Variants in DEPDC5 observed in about 807,000 individuals in gnomAD.
DEPDC5 encodes GATOR1 complex protein DEPDC5.
In DEPDC5, 73 loss-of-function variants were observed where a neutral mutation model predicts 217.3. The ratio of observed to expected loss-of-function variants is 0.34; its 90% CI spans 0.28 to 0.41. The LOEUF is 0.41. Among genes scored for constraint, DEPDC5 ranks in the 10% least tolerant of loss-of-function variants. The pLI is 1.00. For synonymous variants in DEPDC5, 733 were observed against 756.7 expected, an observed-to-expected ratio of 0.97 and a Z score of 0.51; for missense variants, 1,675 against 2,070.1, an observed-to-expected ratio of 0.81 and a Z score of 3.70.
At chr22:31,778,025 G>A (rs1485856987) in intron 7 of DEPDC5, 74 bp from the exon 8 acceptor site, 4 of 1,528,266 alleles carry the variant, frequency 2.6e-6, no homozygotes, top group Non-Finnish European at 3.6e-6. Context: ...TGGGATTACA[G>A]GCGTGAGCTA....
intron 7 of DEPDC5, 82 bp downstream of exon 7, chr22:31,768,945 T>C: frequency 6.6e-7 from 1 of 1,516,262 alleles, no homozygotes; most frequent in Non-Finnish European, 9.1e-7. Context: ...GTCCATATAA[T>C]AAAATGTGTA....
chr22:31,871,582 C>T (rs1193501133), intron 34 of DEPDC5, among the ~76,000 whole-genome samples: 1 of 152,218 alleles, frequency 6.6e-6, no homozygotes, highest in South Asian at 2.1e-4. Context: ...TGCCCTTATA[C>T]CCATCAAGCC....
At position 31,838,789 on chromosome 22, in the gene DEPDC5, A is replaced by G. The variant is rs747784688; in HGVS notation, c.2459A>G (p.Gln820Arg). 1.2e-6 allele frequency: 2 copies of G among 1,614,130 alleles called. No homozygotes were observed. Among genetic ancestry groups the G allele is most frequent in the South Asian group, 1.1e-5 (1 of 91,076 alleles). ...CAAATCATAGTGCAGCCCAAGACACAGAAACCCAATCCTGCTGTCCCGCCC... is the reference window on the plus strand; with the variant it reads ...CAAATCATAGTGCAGCCCAAGACACGGAAACCCAATCCTGCTGTCCCGCCC... ...GYQIIVQPKT[Q>R]KPNPAVPPPL... Residue 820 changes from glutamine to arginine, a missense_variant, in exon 27 of 43, where the codon CAG (glutamine) becomes CGG (arginine). Gln to Arg is a conservative substitution (Grantham distance 43). Transcript: ENST00000651528.
chr22:31,779,896 CAA>C (rs770066760), intron 8 of DEPDC5, among the ~76,000 whole-genome samples: 1 of 151,998 alleles, frequency 6.6e-6, no homozygotes. Context: ...GGAAGAGAGA[CAA>C]GAGAGGTGTA....
intron 16 of DEPDC5, 31 bp from the exon 17 acceptor site, chr22:31,804,810 GC>G: frequency 6.2e-7 from 1 of 1,603,532 alleles, no homozygotes; most frequent in South Asian, 1.1e-5. Context: ...TTGTTCTGTA[GC>G]TTATCTGTGC....
intron 27 of DEPDC5, among the ~76,000 whole-genome samples, chr22:31,840,243 G>A (rs1218155451): frequency 6.6e-6 from 1 of 152,160 alleles, no homozygotes; most frequent in Non-Finnish European, 1.5e-5. Flanking sequence ...TAGACCCAAA[G>A]TACATGTAGG....
chr22:31,807,014 GAAAC>G (rs1568965500), intron 18 of DEPDC5, among the ~76,000 whole-genome samples: 1 of 152,122 alleles, frequency 6.6e-6, no homozygotes, highest in South Asian at 2.1e-4. Flanking sequence ...CTTGTCTCTG[GAAAC>G]AAACAAACCA....
In DEPDC5 at chr22:31,871,135, ACTGTTCTTCTT is replaced by A. The variant is rs2092831067; in HGVS notation, c.3485+394_3485+404del. Among the ~76,000 whole-genome samples the A allele has an allele frequency of 4.4e-4, 67 of 152,196 alleles. 1 individual carries two copies. The highest frequency in any genetic ancestry group is 4.4e-3 in the Admixed American group (67 of 15,274). ...GAATCACTAATTGTGGCCAAACATG[ACTGTTCTTCTT>A]CTATTCCTTAGTATCCGGAGGAAAA... On this transcript the variant is annotated intron_variant, in intron 34 of 42. Coordinates refer to ENST00000651528, the MANE Select transcript of DEPDC5 (RefSeq NM_001242896.3).
intron 27 of DEPDC5, 79 bp from the exon 28 acceptor site, chr22:31,843,016 A>G: frequency 9.7e-7 from 1 of 1,033,858 alleles, no homozygotes; most frequent in Non-Finnish European, 1.4e-6. Context: ...TGTTTTCTGA[A>G]TCTATATGGA....
chr22:31,812,097 T>C (rs1342188396), intron 20 of DEPDC5, among the ~76,000 whole-genome samples: 1 of 151,844 alleles, frequency 6.6e-6, no homozygotes, highest in Non-Finnish European at 1.5e-5. Flanking sequence ...CAAGCAATTC[T>C]CATGCCTCAG....
chr22:31,833,627 T>C (rs2090768196), intron 24 of DEPDC5, among the ~76,000 whole-genome samples: 1 of 152,232 alleles, frequency 6.6e-6, no homozygotes, highest in African/African-American at 2.4e-5. Flanking sequence ...GACTTTGAAA[T>C]GTGTCCGTTT....
rs2091017991 is a variant in DEPDC5, at chr22:31,836,658, T to C, written c.2171-314T>C. Among the ~76,000 whole-genome samples, 30 of 152,218 alleles carry C rather than the reference T, an allele frequency of 2.0e-4. No homozygotes were observed. The South Asian group carries it at 2.5e-3, about 13-fold the overall frequency. Reference sequence around the variant, plus strand: ...TGGAACGTTGATGTGCTTCGACATGTAATTCTGCCTGCCCTGCCGTAATCT... The same window carrying C: ...TGGAACGTTGATGTGCTTCGACATGCAATTCTGCCTGCCCTGCCGTAATCT... On this transcript the variant is annotated intron_variant, in intron 25 of 42. Transcript: ENST00000651528.
chr22:31,866,499 C>A (rs2092693425), intron 33 of DEPDC5, among the ~76,000 whole-genome samples: 1 of 152,122 alleles, frequency 6.6e-6, no homozygotes, highest in Admixed American at 6.6e-5. Flanking sequence ...GATTCTCCTG[C>A]CTCAGCCTCC....
intron 24 of DEPDC5, among the ~76,000 whole-genome samples, chr22:31,825,748 G>T (rs1206134821): frequency 1.3e-5 from 2 of 152,108 alleles, no homozygotes; most frequent in Non-Finnish European, 2.9e-5. Context: ...TCCAGATGCA[G>T]ATCTGATCAG....
At chr22:31,840,900 A>G (rs940001614) in intron 27 of DEPDC5, among the ~76,000 whole-genome samples, 1 of 152,210 alleles carries the variant, frequency 6.6e-6, no homozygotes, top group East Asian at 1.9e-4. Flanking sequence ...TCAGATGTTA[A>G]ACTAATAAAC....
intron 27 of DEPDC5, 114 bp downstream of exon 27, chr22:31,838,959 A>G (rs865819436): frequency 4.3e-6 from 5 of 1,169,690 alleles, no homozygotes; most frequent in Non-Finnish European, 5.9e-6. Context: ...TCGACATAGA[A>G]GTTTTCTTTA....
At position 31,843,666 on chromosome 22, in the gene DEPDC5, G is replaced by C; in HGVS notation, c.2655G>C (p.Gln885His). 6.2e-7 allele frequency: 1 copy of C among 1,607,874 alleles called. No individual in the cohort carries two copies. The highest frequency in any genetic ancestry group is 8.5e-7 in the Non-Finnish European group (1 of 1,174,982). Residue 885 changes from glutamine (Q) to histidine (H), a missense_variant, in exon 29 of 43, where the codon CAG becomes CAC. Gln to His is a conservative substitution (Grantham distance 24, BLOSUM62 0). Coordinates refer to ENST00000651528, the MANE Select transcript of DEPDC5 (RefSeq NM_001242896.3). Reference protein sequence around the residue: ...YLPKYPYESAQIHYTYSLCPS... With the variant: ...YLPKYPYESAHIHYTYSLCPS... Reference sequence around the variant, plus strand: ...GCAGGTATCCTTATGAATCTGCCCAGATCCACTACACCTACAGCCTCTGTC... The same window carrying C: ...GCAGGTATCCTTATGAATCTGCCCACATCCACTACACCTACAGCCTCTGTC...
chr22:31,874,298 C>A lies in DEPDC5; in HGVS notation c.3589C>A (p.Gln1197Lys). ...GACAGGAGTCCAGCTGCTCTCTGAA[C>A]AGAAGGGCCTCTCACCGTACTGCTT... Reference protein sequence around the residue: ...PSTGVQLLSEQKGLSPYCFIS... With the variant: ...PSTGVQLLSEKKGLSPYCFIS... Residue 1197 changes from glutamine to lysine, a missense_variant, in exon 36 of 43, where the codon CAG becomes AAG. Around this residue, in one of 11 missense-constraint regions of DEPDC5, gnomAD observed 194 missense variants for 199.3 expected, o/e 0.97. Transcript: ENST00000651528. 1 of 1,607,856 alleles carries A rather than the reference C, an allele frequency of 6.2e-7. No individual in the cohort carries two copies. The highest frequency in any genetic ancestry group is 8.5e-7 in the Non-Finnish European group (1 of 1,177,022).
At chr22:31,809,195 C>T (rs1352057831) in intron 18 of DEPDC5, among the ~76,000 whole-genome samples, 3 of 152,090 alleles carry the variant, frequency 2.0e-5, no homozygotes, top group Non-Finnish European at 2.9e-5. Context: ...GTGCTCAGCT[C>T]TGGTAGGTGT....
Sources: allele counts gnomAD v4.1 joint callset (sites outside exome capture counted in the v4.1 genomes callset), GRCh38; gene constraint gnomAD v4.1.1; regional missense constraint gnomAD v4.1.1; transcripts MANE v1.5; gene names NCBI Gene and HGNC (gene_info 2026-07-23, HGNC 2026-07-21).